CADM2: variants seen among roughly 807,000 people sequenced by gnomAD.
The protein encoded by CADM2 is immunoglobulin superfamily member 4D.
A neutral mutation model predicts 49.8 loss-of-function variants in CADM2; 12 were observed. That is an observed-to-expected ratio of 0.24 (90% CI 0.15 to 0.39). The LOEUF is 0.39. Among genes scored for constraint, CADM2 ranks in the 10% least tolerant of loss-of-function variants. CADM2 has a pLI of 1.00. For missense variants in CADM2, 378 were observed against 492.3 expected (o/e 0.77, Z 2.20); for synonymous variants, 214 against 175.4 (o/e 1.22, Z -1.74).
chr3:85,044,804 C>CTT (rs56232557), intron 1 of CADM2, among the ~76,000 whole-genome samples: 79,643 of 142,182 alleles, frequency 0.56, 23,033 homozygotes, highest in Non-Finnish European at 0.63. Context: ...TTTTTCTTTT[C>CTT]TTTTTTTTTT....
chr3:86,015,067 A>G (rs921545638), intron 8 of CADM2: 3 of 692,412 alleles, frequency 4.3e-6, no homozygotes, highest in East Asian at 2.7e-5. Context: ...GTTAAACCCT[A>G]TACAAGTAAG....
chr3:85,839,303 TGTTA>T (rs1435158623), intron 3 of CADM2, among the ~76,000 whole-genome samples: 7 of 151,860 alleles, frequency 4.6e-5, no homozygotes, highest in African/African-American at 1.4e-4. Context: ...TTCTCTAGTC[TGTTA>T]AAGATGACTA....
intron 7 of CADM2, among the ~76,000 whole-genome samples, chr3:85,955,510 G>A (rs1036652861): frequency 3.3e-5 from 5 of 151,444 alleles, no homozygotes; most frequent in Admixed American, 2.6e-4. Flanking sequence ...AACGATTAAG[G>A]CAAAGAAAGT....
In CADM2 at chr3:86,074,009, A is replaced by C. The variant is rs1188126468; in HGVS notation, c.*7226A>C. On this transcript the variant is annotated 3_prime_UTR_variant, in exon 10 of 10. Transcript: ENST00000383699. ...GGGTCAAAAAAAATGTTGCTGACTT[A>C]GGGAAATTTGCTTGAGAATGCCAAA... 6.6e-6 allele frequency: 1 copy of C among 152,042 alleles called. No individual in the cohort carries two copies. Among genetic ancestry groups the C allele is most frequent in the Admixed American group, 6.6e-5 (1 of 15,244 alleles). 9.4% of individuals were successfully genotyped at this position (152,042 alleles called of 1,614,324 possible).
At chr3:85,170,411 T>C (rs1354355208) in intron 1 of CADM2, among the ~76,000 whole-genome samples, 1 of 151,480 alleles carries the variant, frequency 6.6e-6, no homozygotes, top group Non-Finnish European at 1.5e-5. Flanking sequence ...CGATCTCAGC[T>C]CACTGCAACT....
At chr3:85,286,334 TC>T (rs2043632261) in intron 1 of CADM2, among the ~76,000 whole-genome samples, 1 of 152,162 alleles carries the variant, frequency 6.6e-6, no homozygotes, top group Non-Finnish European at 1.5e-5. Context: ...GGAGAGGGTC[TC>T]CCTAACAAAG....
chr3:85,084,042 T>TG (rs2037278971), intron 1 of CADM2, among the ~76,000 whole-genome samples: 1 of 152,162 alleles, frequency 6.6e-6, no homozygotes. Flanking sequence ...TTTCAACTCT[T>TG]GCGTTGTCAG....
At chr3:85,340,532 A>G (rs2045212255) in intron 1 of CADM2, among the ~76,000 whole-genome samples, 1 of 151,610 alleles carries the variant, frequency 6.6e-6, no homozygotes, top group South Asian at 2.1e-4. Flanking sequence ...ATGTATGTAT[A>G]TATTGAAAAC....
At chr3:85,880,088 A>G (rs1217197169) in intron 3 of CADM2, among the ~76,000 whole-genome samples, 1 of 152,198 alleles carries the variant, frequency 6.6e-6, no homozygotes, top group Non-Finnish European at 1.5e-5. Flanking sequence ...AACATCATAT[A>G]AATGGATTCC....
chr3:85,337,233 C>T (rs2045115032), intron 1 of CADM2, among the ~76,000 whole-genome samples: 1 of 150,258 alleles, frequency 6.7e-6, no homozygotes. Flanking sequence ...CCAAACATTC[C>T]TATTTTAGTG....
chr3:86,027,288 A>G (rs6776825), intron 8 of CADM2, among the ~76,000 whole-genome samples: 34,714 of 152,090 alleles, frequency 0.23, 4,313 homozygotes, highest in East Asian at 0.33. Flanking sequence ...TAAATTTAAA[A>G]CATATTTATT....
chr3:85,258,695 T>G lies in CADM2; in HGVS notation c.61+299027T>G, dbSNP rs536649747. ...CTTTTTCTAACTAGTAATACTTGATTTATTTTATCTAACACTTTAGAAGTT... is the reference window on the plus strand; with the variant it reads ...CTTTTTCTAACTAGTAATACTTGATGTATTTTATCTAACACTTTAGAAGTT... On this transcript the variant is annotated intron_variant, in intron 1 of 9. Transcript: ENST00000383699. 5.3e-5 allele frequency among the ~76,000 whole-genome samples: 8 copies of G among 152,228 alleles called. No homozygotes were observed. In the South Asian group the frequency reaches 6.2e-4, roughly 12 times the overall value.
At chr3:85,373,753 C>T (rs2033419036) in intron 1 of CADM2, among the ~76,000 whole-genome samples, 1 of 152,202 alleles carries the variant, frequency 6.6e-6, no homozygotes. Context: ...AGGCCCAACA[C>T]CAAATGTAAG....
intron 8 of CADM2, chr3:86,014,043 G>C: frequency 7.6e-7 from 1 of 1,323,064 alleles, no homozygotes; most frequent in African/African-American, 1.5e-5. Flanking sequence ...AGAACTTGAC[G>C]ATGTAATTTC....
intron 3 of CADM2, among the ~76,000 whole-genome samples, chr3:85,835,569 G>T (rs539196739): frequency 1.4e-4 from 21 of 150,528 alleles, no homozygotes; most frequent in African/African-American, 4.6e-4. Flanking sequence ...CCTTTTGCTT[G>T]TTTTTATTTT....
chr3:85,641,321 C>A lies in CADM2; in HGVS notation c.62-85201C>A, dbSNP rs555602862. On this transcript the variant is annotated intron_variant, in intron 1 of 9. Transcript: ENST00000383699. ...ATATACAACTTTTTTAAATGTTCTA[C>A]CCTATACTCTCATCTCTAGCATCAT... 1.9e-4 allele frequency among the ~76,000 whole-genome samples: 29 copies of A among 152,262 alleles called. No homozygotes were observed. In the South Asian group the frequency reaches 3.7e-3, roughly 20 times the overall value.
At chr3:85,870,656 A>T (rs1048953588) in intron 3 of CADM2, among the ~76,000 whole-genome samples, 6 of 152,158 alleles carry the variant, frequency 3.9e-5, no homozygotes, top group Non-Finnish European at 8.8e-5. Context: ...CCAATGATGG[A>T]CATTTAGGTT....
intron 3 of CADM2, among the ~76,000 whole-genome samples, chr3:85,881,912 C>T (rs1712843812): frequency 6.6e-6 from 1 of 152,104 alleles, no homozygotes; most frequent in Non-Finnish European, 1.5e-5. Context: ...CTAGATGCCT[C>T]ATATCCAGAG....
intron 1 of CADM2, among the ~76,000 whole-genome samples, chr3:85,122,962 G>T (rs902162939): frequency 6.6e-6 from 1 of 151,744 alleles, no homozygotes; most frequent in African/African-American, 2.4e-5. Context: ...CCTCTTCATG[G>T]GTATTTAACA....
Sources: allele counts gnomAD v4.1 joint callset (sites outside exome capture counted in the v4.1 genomes callset), GRCh38; gene constraint gnomAD v4.1.1; transcripts MANE v1.5; gene names NCBI Gene and HGNC (gene_info 2026-07-23, HGNC 2026-07-21).